Variants in ZNF385D observed in about 807,000 individuals in gnomAD.
ZNF385D encodes zinc finger protein 385D, also known as zinc finger protein 659.
A neutral mutation model predicts 35.8 loss-of-function variants in ZNF385D; 15 were observed. That is an observed-to-expected ratio of 0.42 (90% CI 0.28 to 0.64). The LOEUF (loss-of-function observed/expected upper bound fraction) is 0.64. Ranked by LOEUF, ZNF385D falls within the 30% of genes least tolerant of loss-of-function variation. The pLI is 0.23. For synonymous variants in ZNF385D, 212 were observed against 186.8 expected (o/e 1.13, Z -1.10); for missense variants, 474 against 494.6 (o/e 0.96, Z 0.39).
chr3:22,183,028 A>C (rs1177047256), intron 2 of ZNF385D, among the ~76,000 whole-genome samples: 1 of 152,156 alleles, frequency 6.6e-6, no homozygotes, highest in Non-Finnish European at 1.5e-5. Flanking sequence ...TGGGTTTCTT[A>C]GACCTGAAAA....
chr3:21,590,018 C>G (rs1473379965), intron 2 of ZNF385D, among the ~76,000 whole-genome samples: 1 of 152,120 alleles, frequency 6.6e-6, no homozygotes, highest in Middle Eastern at 3.2e-3. Flanking sequence ...TGTAAAGACT[C>G]ATGCAGCTGT....
intron 4 of ZNF385D, among the ~76,000 whole-genome samples, chr3:21,505,842 T>G (rs915443535): frequency 6.6e-6 from 1 of 152,184 alleles, no homozygotes; most frequent in East Asian, 1.9e-4. Flanking sequence ...TTCCTTAGTA[T>G]GCATGCATAC....
chr3:22,029,753 T>C (rs1412812474), intron 3 of ZNF385D, among the ~76,000 whole-genome samples: 1 of 152,204 alleles, frequency 6.6e-6, no homozygotes, highest in African/African-American at 2.4e-5. Context: ...GGTGCATTTC[T>C]AGTTGTATGA....
At chr3:21,796,167 C>G (rs1428470937) in intron 3 of ZNF385D, among the ~76,000 whole-genome samples, 6 of 152,090 alleles carry the variant, frequency 3.9e-5, no homozygotes, top group African/African-American at 7.2e-5. Context: ...AAGCCAGAGT[C>G]GGAGCATATT....
chr3:21,821,067 T>TC (rs1429081181), intron 3 of ZNF385D, among the ~76,000 whole-genome samples: 6 of 152,066 alleles, frequency 3.9e-5, no homozygotes, highest in African/African-American at 1.4e-4. Flanking sequence ...AAATATTTTT[T>TC]CAGGGGTGTT....
chr3:22,155,712 A>G (rs1028863705), intron 3 of ZNF385D, among the ~76,000 whole-genome samples: 19 of 152,246 alleles, frequency 1.2e-4, no homozygotes, highest in Admixed American at 1.0e-3. Flanking sequence ...TTTTTCTGCC[A>G]TAAAAATTGG....
At chr3:21,561,651 G>T (rs1043848336) in intron 3 of ZNF385D, among the ~76,000 whole-genome samples, 1 of 152,190 alleles carries the variant, frequency 6.6e-6, no homozygotes, top group Non-Finnish European at 1.5e-5. Context: ...TCAGTGTTGT[G>T]TCTCAGGAAA....
At chr3:22,049,130 C>G (rs1449917228) in intron 3 of ZNF385D, among the ~76,000 whole-genome samples, 2 of 151,758 alleles carry the variant, frequency 1.3e-5, no homozygotes, top group Non-Finnish European at 2.9e-5. Flanking sequence ...AACCCCATCT[C>G]TACTAAAAAT....
At chr3:22,048,141 G>A (rs1345480165) in intron 3 of ZNF385D, among the ~76,000 whole-genome samples, 1 of 151,932 alleles carries the variant, frequency 6.6e-6, no homozygotes, top group Non-Finnish European at 1.5e-5. Flanking sequence ...GGATAATAGT[G>A]CCTTACCAGA....
At position 22,140,065 on chromosome 3, in the gene ZNF385D, A is replaced by G. The variant is rs372204231; in HGVS notation, c.325+28752T>C. Among the ~76,000 whole-genome samples the G allele has an allele frequency of 3.3e-5, 5 of 152,206 alleles. No individual in the cohort carries two copies. In the East Asian group the frequency reaches 5.8e-4, roughly 18 times the overall value. On this transcript the variant is annotated intron_variant, in intron 3 of 5. Coordinates refer to the ZNF385D transcript ENST00000494108. ...GGCAGTTTCTTATAAAGCTAAACAT[A>G]TATTACCACCCAACCCATCAATTTC...
intron 3 of ZNF385D, among the ~76,000 whole-genome samples, chr3:22,036,847 T>G (rs1450782194): frequency 6.8e-6 from 1 of 146,670 alleles, no homozygotes; most frequent in Non-Finnish European, 1.5e-5. Flanking sequence ...TATCTCCTAA[T>G]GCTATCCCTC....
chr3:22,274,252 A>G (rs992673904), intron 2 of ZNF385D, among the ~76,000 whole-genome samples: 1 of 151,986 alleles, frequency 6.6e-6, no homozygotes, highest in African/African-American at 2.4e-5. Flanking sequence ...ACTTTTGTCT[A>G]CCTAGATACT....
At chr3:21,704,396 C>A (rs918365766) in intron 1 of ZNF385D, among the ~76,000 whole-genome samples, 9 of 152,064 alleles carry the variant, frequency 5.9e-5, no homozygotes, top group Non-Finnish European at 1.3e-4. Context: ...TTCCTGTAGT[C>A]ACTGGGTTAC....
chr3:21,896,101 T>C (rs914528625), intron 3 of ZNF385D, among the ~76,000 whole-genome samples: 10 of 152,180 alleles, frequency 6.6e-5, no homozygotes, highest in African/African-American at 2.2e-4. Flanking sequence ...GCTCCTGATA[T>C]ATCCCTGCTC....
At chr3:22,364,937 G>C (rs1696584568) in intron 2 of ZNF385D, among the ~76,000 whole-genome samples, 1 of 152,000 alleles carries the variant, frequency 6.6e-6, no homozygotes, top group Non-Finnish European at 1.5e-5. Flanking sequence ...AGGAAATTCT[G>C]ACACATGTTA....
intron 3 of ZNF385D, among the ~76,000 whole-genome samples, chr3:22,004,044 AT>A (rs1576130233): frequency 6.6e-6 from 1 of 152,210 alleles, no homozygotes; most frequent in African/African-American, 2.4e-5. Context: ...TGGTGTTGAT[AT>A]AAAAACCATA....
chr3:21,755,979 A>T (rs1316071523), upstream of ZNF385D, among the ~76,000 whole-genome samples: 1 of 152,224 alleles, frequency 6.6e-6, no homozygotes, highest in Non-Finnish European at 1.5e-5. Context: ...TCAAATAGGT[A>T]AGATGGAGCC....
chr3:22,305,466 C>T (rs1703153415), intron 2 of ZNF385D, among the ~76,000 whole-genome samples: 1 of 152,204 alleles, frequency 6.6e-6, no homozygotes, highest in African/African-American at 2.4e-5. Flanking sequence ...GAGTTGACTT[C>T]TTGCTCCTAA....
intron 2 of ZNF385D, among the ~76,000 whole-genome samples, chr3:22,221,720 C>G (rs367654118): frequency 2.6e-5 from 4 of 152,000 alleles, no homozygotes; most frequent in Non-Finnish European, 5.9e-5. Flanking sequence ...GCAAAGCTGA[C>G]AAAAACTAAA....
Sources: gnomAD v4.1 joint callset for allele counts (sites outside exome capture counted in the v4.1 genomes callset) on GRCh38, gnomAD v4.1.1 for gene constraint, MANE v1.5 for transcripts, NCBI Gene and HGNC (gene_info 2026-07-23, HGNC 2026-07-21) for gene names.